The following MYO1D variants were observed in gnomAD, a reference collection of about 807,000 sequenced individuals.
The protein encoded by MYO1D is unconventional myosin-Id.
MYO1D carries 83 observed loss-of-function variants against 122.0 expected under a neutral mutation model. The ratio of observed to expected loss-of-function variants is 0.68; its 90% CI spans 0.57 to 0.82. The LOEUF is 0.82. Ranked by LOEUF, MYO1D falls within the 40% of genes least tolerant of loss-of-function variation. The pLI is 0.00. For synonymous variants in MYO1D, 464 were observed against 446.9 expected (o/e 1.04, Z -0.48); for missense variants, 1,157 against 1,269.5 (o/e 0.91, Z 1.35).
At chr17:32,567,799 T>G (rs1229088068) in intron 21 of MYO1D, among the ~76,000 whole-genome samples, 1 of 152,160 alleles carries the variant, frequency 6.6e-6, no homozygotes, top group African/African-American at 2.4e-5. Flanking sequence ...AAAAGTGCCT[T>G]GCATCATTGA....
chr17:32,828,860 A>AT (rs2090747456), intron 1 of MYO1D, among the ~76,000 whole-genome samples: 1 of 152,192 alleles, frequency 6.6e-6, no homozygotes, highest in Non-Finnish European at 1.5e-5. Flanking sequence ...TGTTGGTGCC[A>AT]TACTACTATA....
chr17:32,745,333 G>T, intron 12 of MYO1D, 48 bp from the exon 13 acceptor site: 1 of 1,265,356 alleles, frequency 7.9e-7, no homozygotes, highest in Non-Finnish European at 1.1e-6. Flanking sequence ...CCAAGCAAGA[G>T]CCACATTTAA....
chr17:32,672,564 C>T (rs1248205736), intron 16 of MYO1D, among the ~76,000 whole-genome samples: 1 of 152,104 alleles, frequency 6.6e-6, no homozygotes, highest in Non-Finnish European at 1.5e-5. Flanking sequence ...CAGCTCACTG[C>T]CACCTCCAAC....
intron 21 of MYO1D, among the ~76,000 whole-genome samples, chr17:32,500,353 A>G (rs1909275590): frequency 6.6e-6 from 1 of 152,260 alleles, no homozygotes; most frequent in Admixed American, 6.5e-5. Context: ...AGACTCACCC[A>G]GTCCATGAAG....
intron 20 of MYO1D, among the ~76,000 whole-genome samples, chr17:32,633,230 T>C (rs903585802): frequency 1.4e-5 from 2 of 145,796 alleles, no homozygotes; most frequent in African/African-American, 5.0e-5. Flanking sequence ...ACCTAAAGAA[T>C]GAAGAAGGAA....
intron 16 of MYO1D, among the ~76,000 whole-genome samples, chr17:32,662,395 G>A (rs1200036924): frequency 6.6e-6 from 1 of 152,188 alleles, no homozygotes; most frequent in Non-Finnish European, 1.5e-5. Flanking sequence ...CTGCGCAGCG[G>A]GACGCGGTGG....
chr17:32,634,130 T>C (rs1041138428), intron 20 of MYO1D, among the ~76,000 whole-genome samples: 1 of 152,182 alleles, frequency 6.6e-6, no homozygotes, highest in African/African-American at 2.4e-5. Flanking sequence ...TGATCTGATG[T>C]ATAACTGCCT....
chr17:32,732,043 G>A (rs146881780), intron 14 of MYO1D, among the ~76,000 whole-genome samples: 17 of 152,338 alleles, frequency 1.1e-4, no homozygotes, highest in Non-Finnish European at 1.5e-4. Context: ...CTGGGTATGC[G>A]CACACTTGGG....
intron 1 of MYO1D, among the ~76,000 whole-genome samples, chr17:32,833,609 T>TA: frequency 6.6e-6 from 1 of 152,236 alleles, no homozygotes; most frequent in East Asian, 1.9e-4. Flanking sequence ...CAAGTCTTTC[T>TA]ATCAGCCTTC....
At chr17:32,562,171 T>C (rs2087132186) in intron 21 of MYO1D, among the ~76,000 whole-genome samples, 1 of 152,042 alleles carries the variant, frequency 6.6e-6, no homozygotes. Flanking sequence ...AGTTTTTGTA[T>C]TTTTTTGTAG....
chr17:32,855,278 A>C (rs2091018932), intron 1 of MYO1D, among the ~76,000 whole-genome samples: 1 of 152,188 alleles, frequency 6.6e-6, no homozygotes, highest in Non-Finnish European at 1.5e-5. Context: ...CTGTGCCAAG[A>C]CTGTTCCCGG....
chr17:32,743,528 T>C (rs1005902964), intron 13 of MYO1D, among the ~76,000 whole-genome samples: 12 of 152,030 alleles, frequency 7.9e-5, no homozygotes, highest in African/African-American at 2.4e-4. Context: ...CAACTCTACT[T>C]TCAAAATATC....
At chr17:32,553,103 C>CAAA (rs66479224) in intron 21 of MYO1D, among the ~76,000 whole-genome samples, 3 of 133,282 alleles carry the variant, frequency 2.3e-5, no homozygotes, top group East Asian at 2.4e-4. Flanking sequence ...AAAAACAAAA[C>CAAA]AAAAAAAAAA....
chr17:32,856,907 T>C (rs1465847604), intron 1 of MYO1D, among the ~76,000 whole-genome samples: 1 of 152,230 alleles, frequency 6.6e-6, no homozygotes, highest in East Asian at 1.9e-4. Flanking sequence ...TTCTTCTCGA[T>C]ATTCTACACA....
intron 21 of MYO1D, among the ~76,000 whole-genome samples, chr17:32,551,352 C>G (rs556048919): frequency 1.4e-4 from 22 of 152,304 alleles, no homozygotes; most frequent in African/African-American, 4.1e-4. Flanking sequence ...AAATGAGTCA[C>G]TTACAAAAGA....
chr17:32,538,297 T>A (rs544154706), intron 21 of MYO1D, among the ~76,000 whole-genome samples: 61 of 132,038 alleles, frequency 4.6e-4, no homozygotes, highest in Admixed American at 4.7e-4. Context: ...TTTTTTTTTT[T>A]AGAGACAGGG....
At chr17:32,766,972 T>C (rs1157552241) in intron 7 of MYO1D, among the ~76,000 whole-genome samples, 2 of 152,252 alleles carry the variant, frequency 1.3e-5, no homozygotes, top group Non-Finnish European at 2.9e-5. Context: ...CCTGCACATT[T>C]CTGATTCATT....
intron 21 of MYO1D, among the ~76,000 whole-genome samples, chr17:32,585,087 G>C (rs568824756): frequency 6.6e-6 from 1 of 152,246 alleles, no homozygotes; most frequent in South Asian, 2.1e-4. Context: ...GGCTGCGCTT[G>C]GGTTGTTTTC....
At chr17:32,520,644 C>T (rs894190806) in intron 21 of MYO1D, among the ~76,000 whole-genome samples, 1 of 152,206 alleles carries the variant, frequency 6.6e-6, no homozygotes, top group Non-Finnish European at 1.5e-5. Flanking sequence ...TGCTGTGGGG[C>T]TCCCCCGATA....
Sources: gnomAD v4.1 joint callset for allele counts (sites outside exome capture counted in the v4.1 genomes callset) on GRCh38, gnomAD v4.1.1 for gene constraint, MANE v1.5 for transcripts, NCBI Gene and HGNC (gene_info 2026-07-23, HGNC 2026-07-21) for gene names.